The following MCM5 variants were observed in gnomAD, a reference collection of about 807,000 sequenced individuals.
MCM5 encodes DNA replication licensing factor MCM5.
Under a neutral mutation model 79.9 loss-of-function variants are expected in MCM5, and 46 were observed. That is an observed-to-expected ratio of 0.58 (90% CI 0.45 to 0.74). The LOEUF is 0.74. Among genes scored for constraint, MCM5 ranks in the 30% least tolerant of loss-of-function variants. MCM5 has a pLI of 0.00. For synonymous variants in MCM5, 404 were observed against 390.5 expected (o/e 1.03, Z -0.41); for missense variants, 883 against 1,017.0 (o/e 0.87, Z 1.79).
At chr22:35,434,022 A>G in the MCM5 span, among the ~76,000 whole-genome samples, 2 of 152,162 alleles carry the variant, frequency 1.3e-5, no homozygotes, top group South Asian at 2.1e-4. Flanking sequence ...AACGCACAAG[A>G]CTAGAATTTG....
chr22:35,449,643 C>T, the MCM5 span, among the ~76,000 whole-genome samples: 4 of 152,324 alleles, frequency 2.6e-5, no homozygotes, highest in East Asian at 5.8e-4. Flanking sequence ...GGCCTCTGTG[C>T]CCCCGCCCAT....
At chr22:35,453,398 A>G in the MCM5 span, among the ~76,000 whole-genome samples, 3 of 151,250 alleles carry the variant, frequency 2.0e-5, no homozygotes, top group South Asian at 6.3e-4. Context: ...ACAGAGAAGG[A>G]GACACTGACA....
At chr22:35,429,136 C>T (rs1476323024), downstream of MCM5, among the ~76,000 whole-genome samples, 1 of 151,958 alleles carries the variant, frequency 6.6e-6, no homozygotes, top group Non-Finnish European at 1.5e-5. Flanking sequence ...CAGGTGCCTG[C>T]CACCATGCTT....
At chr22:35,403,159 CTCT>C (rs778576658) in intron 2 of MCM5, 45 bp from the exon 3 acceptor site, 152 of 1,602,984 alleles carry the variant, frequency 9.5e-5, no homozygotes, top group Non-Finnish European at 1.2e-4. Context: ...TGTTGGTTTC[CTCT>C]TCTTTGCACC....
chr22:35,438,084 C>G, the MCM5 span, among the ~76,000 whole-genome samples: 1 of 152,128 alleles, frequency 6.6e-6, no homozygotes, highest in Admixed American at 6.5e-5. Flanking sequence ...AGGCACGGAC[C>G]ATTGTCTCTT....
rs1450956245 is a variant in MCM5 at position 35,408,328 on chromosome 22, T to C, written c.597-80T>C. The stretch of plus-strand genomic sequence containing the variant: ...TAAATTGCCGCTGGCAACGTCTCCT[T>C]GCTGGCTCCTGGGATGAATGAGCCC... On this transcript the variant is annotated intron_variant, in intron 5 of 16. Coordinates refer to ENST00000216122, the MANE Select transcript of MCM5 (RefSeq NM_006739.4). The C allele has an allele frequency of 7.1e-6, 10 of 1,414,460 alleles. No individual in the cohort carries two copies. The Admixed American group carries it at 2.0e-4, about 28-fold the overall frequency. The allele number at this position is 1,414,460 out of a possible 1,614,324, so 87.6% of individuals were successfully genotyped here.
chr22:35,413,129 G>A (rs962528683), intron 8 of MCM5, among the ~76,000 whole-genome samples: 11 of 150,020 alleles, frequency 7.3e-5, no homozygotes, highest in African/African-American at 2.7e-4. Context: ...TGCAAGCTCC[G>A]CCTCTTGGGT....
At chr22:35,444,924 G>T in the MCM5 span, among the ~76,000 whole-genome samples, 1 of 152,234 alleles carries the variant, frequency 6.6e-6, no homozygotes, top group Non-Finnish European at 1.5e-5. Context: ...CCTCTCTAAA[G>T]AATGCCAGTT....
intron 6 of MCM5, 165 bp from the exon 7 acceptor site, chr22:35,410,579 A>T (rs541380142): frequency 1.5e-6 from 1 of 678,832 alleles, no homozygotes; most frequent in East Asian, 2.7e-5. Flanking sequence ...GTGGGGAGAG[A>T]GGCCGTTCTC....
intron 10 of MCM5, 151 bp from the exon 11 acceptor site, chr22:35,416,188 T>A: frequency 1.1e-6 from 1 of 927,412 alleles, no homozygotes. Flanking sequence ...CACACAGTTG[T>A]TCCCATGATT....
intron 2 of MCM5, chr22:35,401,743 C>T (rs1932060087): frequency 4.3e-6 from 2 of 470,134 alleles, no homozygotes; most frequent in Non-Finnish European, 4.4e-6. Context: ...TAGAGAAGCT[C>T]CTAAGTCAGA....
the MCM5 span, among the ~76,000 whole-genome samples, chr22:35,434,689 G>A: frequency 1.3e-5 from 2 of 152,306 alleles, no homozygotes; most frequent in South Asian, 4.1e-4. Flanking sequence ...ATGCCACACG[G>A]GACACTGCTG....
intron 9 of MCM5, among the ~76,000 whole-genome samples, chr22:35,415,210 G>A (rs1346878986): frequency 6.6e-6 from 1 of 151,794 alleles, no homozygotes; most frequent in Non-Finnish European, 1.5e-5. Context: ...AAGGAAGAAG[G>A]GGAAAGAAAA....
chr22:35,421,610 A>G (rs768828802), intron 15 of MCM5, 150 bp downstream of exon 15: 1 of 1,008,752 alleles, frequency 9.9e-7, no homozygotes, highest in East Asian at 2.4e-5. Flanking sequence ...TTGCCATAAG[A>G]CCCCTCTCCT....
intron 2 of MCM5, 118 bp downstream of exon 2, chr22:35,400,723 C>T (rs533729376): frequency 6.1e-6 from 7 of 1,154,902 alleles, no homozygotes; most frequent in African/African-American, 3.1e-5. Flanking sequence ...GGGAAAGAGC[C>T]GGTCCTGGGT....
intron 5 of MCM5, among the ~76,000 whole-genome samples, chr22:35,407,188 T>G (rs1465538971): frequency 6.6e-6 from 1 of 152,156 alleles, no homozygotes; most frequent in Non-Finnish European, 1.5e-5. Context: ...TCCGGCCCTT[T>G]CTAGAAAATG....
intron 9 of MCM5, among the ~76,000 whole-genome samples, chr22:35,415,245 CTGTT>C (rs1452606761): frequency 7.2e-5 from 11 of 152,112 alleles, no homozygotes; most frequent in African/African-American, 2.4e-4. Flanking sequence ...GAAGTTACTT[CTGTT>C]TAACTCGCTA....
At chr22:35,445,664 C>G in the MCM5 span, among the ~76,000 whole-genome samples, 1 of 152,098 alleles carries the variant, frequency 6.6e-6, no homozygotes, top group Admixed American at 6.5e-5. Flanking sequence ...CACCCACCAC[C>G]ATGCCTGGCT....
rs371073166 is a variant in MCM5, at chr22:35,400,622, G to A, written c.167+17G>A. 1 of 1,583,024 alleles carries A rather than the reference G, an allele frequency of 6.3e-7. No individual in the cohort carries two copies. Among genetic ancestry groups the A allele is most frequent in the Non-Finnish European group, 8.6e-7 (1 of 1,163,934 alleles). On this transcript the variant is annotated intron_variant, in intron 2 of 16. Coordinates refer to ENST00000216122, the MANE Select transcript of MCM5 (RefSeq NM_006739.4). ...CAAATACAGGTGCGGCTCCTGCGGG[G>A]CCGGGGGCTCGAGTTCCAGTGTGGC...
Sources: gnomAD v4.1 joint callset for allele counts (sites outside exome capture counted in the v4.1 genomes callset) on GRCh38, gnomAD v4.1.1 for gene constraint, MANE v1.5 for transcripts, NCBI Gene and HGNC (gene_info 2026-07-23, HGNC 2026-07-21) for gene names.